The following AGO3 variants were observed in gnomAD, a reference collection of about 807,000 sequenced individuals.
AGO3 encodes the protein argonaute RISC catalytic component 3, also known as protein argonaute-3.
A neutral mutation model predicts 105.5 loss-of-function variants in AGO3; 16 were observed. The ratio of observed to expected loss-of-function variants is 0.15; its 90% CI spans 0.10 to 0.23. The LOEUF (loss-of-function observed/expected upper bound fraction) is 0.23, where lower values mean the gene tolerates loss of function less well. AGO3 is among the 10% of genes least tolerant of loss of function. The pLI is 1.00. For synonymous variants in AGO3, 340 were observed against 367.3 expected (o/e 0.93, Z 0.85); for missense variants, 534 against 1,088.0 (o/e 0.49, Z 7.16).
chr1:35,961,247 G>C (rs896388882), intron 2 of AGO3, among the ~76,000 whole-genome samples: 3 of 151,986 alleles, frequency 2.0e-5, no homozygotes, highest in Admixed American at 2.0e-4. Flanking sequence ...CACTGCGCCT[G>C]GCCATTGTTT....
rs1438120668 is a variant in AGO3, at chr1:36,069,438, C to G, written c.*13693C>G. The G allele has an allele frequency of 6.6e-6, 1 of 152,184 alleles. No homozygotes were observed. Among genetic ancestry groups the G allele is most frequent in the Non-Finnish European group, 1.5e-5 (1 of 68,040 alleles). 9.4% of individuals were successfully genotyped at this position (152,184 alleles called of 1,614,324 possible). On this transcript the variant is annotated 3_prime_UTR_variant, in exon 19 of 19. Transcript: ENST00000373191. ...TAATGTTTGCGGAAGCATTTGAGTT[C>G]TCCAAAGGAAAAGCTATTCAGACGT... is the stretch of plus-strand genomic sequence containing the variant.
At chr1:35,945,562 T>C in intron 1 of AGO3, 130 bp from the exon 2 acceptor site, 1 of 860,042 alleles carries the variant, frequency 1.2e-6, no homozygotes, top group South Asian at 1.9e-5. Flanking sequence ...GTGTTAGAAA[T>C]GATGTCATCT....
At chr1:35,995,657 A>T (rs2148799603) in intron 5 of AGO3, among the ~76,000 whole-genome samples, 1 of 152,302 alleles carries the variant, frequency 6.6e-6, no homozygotes, top group African/African-American at 2.4e-5. Context: ...TGGGGAAAAT[A>T]TTCATGATCT....
At chr1:35,975,913 G>A (rs1646948387) in intron 5 of AGO3, among the ~76,000 whole-genome samples, 1 of 150,936 alleles carries the variant, frequency 6.6e-6, no homozygotes, top group Non-Finnish European at 1.5e-5. Context: ...CATAAATTTT[G>A]CACATTTCTT....
chr1:35,970,412 T>TA, intron 3 of AGO3, among the ~76,000 whole-genome samples: 1 of 152,322 alleles, frequency 6.6e-6, no homozygotes, highest in South Asian at 2.1e-4. Flanking sequence ...CTTCTTTAGT[T>TA]AGATTCCTGG....
chr1:35,954,327 TGAA>T (rs1646526409), intron 2 of AGO3, among the ~76,000 whole-genome samples: 1 of 152,178 alleles, frequency 6.6e-6, no homozygotes, highest in Non-Finnish European at 1.5e-5. Flanking sequence ...ATTTGAAACT[TGAA>T]GATACTTTCA....
chr1:35,982,233 G>T (rs1647065781), intron 5 of AGO3, among the ~76,000 whole-genome samples: 1 of 152,140 alleles, frequency 6.6e-6, no homozygotes, highest in South Asian at 2.1e-4. Context: ...TTTGAGACCA[G>T]CCTGGGCAAC....
intron 5 of AGO3, among the ~76,000 whole-genome samples, chr1:35,995,968 T>C (rs1172220543): frequency 6.7e-6 from 1 of 150,256 alleles, no homozygotes; most frequent in Admixed American, 6.7e-5. Flanking sequence ...CATAAGCCAC[T>C]GCACCCGGCT....
chr1:36,001,134 C>T (rs1640064109), intron 5 of AGO3, among the ~76,000 whole-genome samples: 1 of 151,990 alleles, frequency 6.6e-6, no homozygotes, highest in South Asian at 2.1e-4. Flanking sequence ...TCTTGGAAGG[C>T]TGAGGCACGA....
In AGO3 at chr1:36,062,926, T is replaced by G. The variant is rs898150254; in HGVS notation, c.*7181T>G. 6.6e-6 allele frequency: 1 copy of G among 152,250 alleles called. No homozygotes were observed. Among genetic ancestry groups the G allele is most frequent in the Non-Finnish European group, 1.5e-5 (1 of 68,040 alleles). The allele number at this position is 152,250 out of a possible 1,614,324, so 9.4% of individuals were successfully genotyped here. On this transcript the variant is annotated 3_prime_UTR_variant, in exon 19 of 19. Transcript: ENST00000373191. The stretch of plus-strand genomic sequence containing the variant: ...TTAATAGCAATTATGAGTTTATTTT[T>G]GTTAAGATTAATTTTTCTATTGTGA...
At chr1:35,982,843 TAGACC>T (rs1480127695) in intron 5 of AGO3, 3 of 489,628 alleles carry the variant, frequency 6.1e-6, no homozygotes, top group African/African-American at 2.0e-5. Context: ...TGGAAAAAAA[TAGACC>T]AGAGCTTTAC....
At chr1:36,033,683 A>T (rs1284136383) in intron 12 of AGO3, among the ~76,000 whole-genome samples, 2 of 151,718 alleles carry the variant, frequency 1.3e-5, no homozygotes, top group African/African-American at 4.8e-5. Context: ...AATATTTATG[A>T]TGGTTATAAT....
At position 36,060,354 on chromosome 1, in the gene AGO3, G is replaced by A. The variant is rs187614279; in HGVS notation, c.*4609G>A. 2.6e-5 allele frequency: 4 copies of A among 152,326 alleles called. No homozygotes were observed. Among genetic ancestry groups the A allele is most frequent in the South Asian group, 2.1e-4 (1 of 4,816 alleles). 9.4% of individuals were successfully genotyped at this position (152,326 alleles called of 1,614,324 possible). ...CCCTTCAGCAGGAATGACTGGCAGC[G>A]GATCTCTGTGTTCAAGGAAAGGGTG... On this transcript the variant is annotated 3_prime_UTR_variant, in exon 19 of 19. Coordinates refer to ENST00000373191, the MANE Select transcript of AGO3 (RefSeq NM_024852.4).
chr1:36,003,709 A>AAAAAAAAAAAATAT (rs1295618675), intron 5 of AGO3, among the ~76,000 whole-genome samples: 28 of 99,424 alleles, frequency 2.8e-4, no homozygotes, highest in Non-Finnish European at 3.9e-4. Context: ...AAAAAAAAAA[A>AAAAAAAAAAAATAT]ATATATATAT....
chr1:36,069,105 T>TG lies in AGO3; in HGVS notation c.*13362dup, dbSNP rs1643130258. 1 of 152,238 alleles carries TG rather than the reference T, an allele frequency of 6.6e-6. No homozygotes were observed. Among genetic ancestry groups the TG allele is most frequent in the Admixed American group, 6.5e-5 (1 of 15,270 alleles). The allele number at this position is 152,238 out of a possible 1,614,324, so 9.4% of individuals were successfully genotyped here. A position where few individuals can be genotyped will look rare whatever the true frequency, so the allele number is the denominator to read the frequency against. Reference sequence around the variant, plus strand: ...GTCCTCACCTACCTCACTAAATTGTTGGAGTTCTTTTGTTCTGAGTCAGGG... The same window carrying TG: ...GTCCTCACCTACCTCACTAAATTGTTGGGAGTTCTTTTGTTCTGAGTCAGGG... On this transcript the variant is annotated 3_prime_UTR_variant, in exon 19 of 19. Coordinates refer to ENST00000373191, the MANE Select transcript of AGO3 (RefSeq NM_024852.4).
At chr1:35,966,366 A>T (rs1410856886) in intron 2 of AGO3, among the ~76,000 whole-genome samples, 2 of 152,148 alleles carry the variant, frequency 1.3e-5, no homozygotes, top group South Asian at 4.1e-4. Context: ...TAAGTTTTGA[A>T]TATATAAGTA....
chr1:36,004,533 T>C, intron 6 of AGO3, 58 bp downstream of exon 6: 1 of 1,412,402 alleles, frequency 7.1e-7, no homozygotes, highest in Non-Finnish European at 9.4e-7. Context: ...ATAACAACCT[T>C]TTATTAAAAT....
In AGO3 at chr1:35,952,136, C is replaced by CTTTTTTTTTTTTTT. The variant is rs1557648119; in HGVS notation, c.191+6276_191+6277insTTTTTTTTTTTTTT. On this transcript the variant is annotated intron_variant, in intron 2 of 18. Transcript: ENST00000373191. ...TCTTTCTTTCTTTCTTTCTTTCTTT[C>CTTTTTTTTTTTTTT]TTTCTTTCTTTCTTTTTTTTTTTTT... Among the ~76,000 whole-genome samples the CTTTTTTTTTTTTTT allele has an allele frequency of 3.6e-5, 4 of 111,522 alleles. 2 individuals carry two copies. The highest frequency in any genetic ancestry group is 2.0e-4 in the Admixed American group (2 of 9,794). The allele number at this position is 111,522 out of a possible 152,430, so 73.2% of individuals were successfully genotyped here.
chr1:35,951,501 C>T (rs1188250863), intron 2 of AGO3, among the ~76,000 whole-genome samples: 1 of 152,048 alleles, frequency 6.6e-6, no homozygotes, highest in African/African-American at 2.4e-5. Context: ...TGGGCTCAAG[C>T]AATCCTCCCA....
Sources: gnomAD v4.1 joint callset for allele counts (sites outside exome capture counted in the v4.1 genomes callset) on GRCh38, gnomAD v4.1.1 for gene constraint, MANE v1.5 for transcripts, NCBI Gene and HGNC (gene_info 2026-07-23, HGNC 2026-07-21) for gene names.